ATP2B4: variants seen among roughly 807,000 people sequenced by gnomAD.
ATP2B4 encodes the protein ATPase plasma membrane Ca2+ transporting 4.
A neutral mutation model predicts 110.3 loss-of-function variants in ATP2B4; 39 were observed. The observed-to-expected ratio is 0.35, with a 90% confidence interval of 0.27 to 0.46. The LOEUF is 0.46. ATP2B4 is among the 20% of genes least tolerant of loss of function. The pLI, the probability that ATP2B4 is intolerant of heterozygous loss-of-function variation, is 1.00. For missense variants in ATP2B4, 1,135 were observed against 1,530.9 expected, an observed-to-expected ratio of 0.74 and a Z score of 4.32; for synonymous variants, 538 against 571.7, an observed-to-expected ratio of 0.94 and a Z score of 0.84.
Position 203,707,899 on chromosome 1 carries a change from A to T in ATP2B4, c.1352A>T (p.Asp451Val). ...MKDNNLVRHL[D>V]ACETMGNATA... ...GACAATAACCTAGTACGGCACTTGG[A>T]TGCTTGTGAGACCATGGGCAACGCC... The change falls in exon 10 of 21, where the codon GAT becomes GTT. Residue 451 changes from aspartate to valine, a missense_variant. Physicochemically the swap from Asp to Val is radical, Grantham distance 152. Around this residue, in one of 9 missense-constraint regions of ATP2B4, gnomAD observed 368 missense variants for 455.9 expected, o/e 0.81. Transcript: ENST00000357681. 6.2e-7 allele frequency: 1 copy of T among 1,614,154 alleles called. No individual in the cohort carries two copies. The highest frequency in any genetic ancestry group is 8.5e-7 in the Non-Finnish European group (1 of 1,180,024).
intron 6 of ATP2B4, among the ~76,000 whole-genome samples, chr1:203,701,253 C>T: frequency 6.6e-6 from 1 of 152,130 alleles, no homozygotes; most frequent in East Asian, 1.9e-4. Context: ...TCCGTGTACT[C>T]CCCCTCCTTC....
At chr1:203,661,934 C>A (rs918300022) in intron 1 of ATP2B4, among the ~76,000 whole-genome samples, 1 of 152,134 alleles carries the variant, frequency 6.6e-6, no homozygotes, top group Non-Finnish European at 1.5e-5. Flanking sequence ...CCTGTCTATA[C>A]CAGGATGACT....
chr1:203,726,790 G>T (rs1032106517), intron 19 of ATP2B4, among the ~76,000 whole-genome samples: 6 of 152,140 alleles, frequency 3.9e-5, no homozygotes, highest in Non-Finnish European at 7.4e-5. Context: ...CTTGTCTTCT[G>T]ATAATACTCA....
intron 6 of ATP2B4, 130 bp downstream of exon 6, chr1:203,701,053 C>A: frequency 8.1e-7 from 1 of 1,236,724 alleles, no homozygotes; most frequent in Non-Finnish European, 1.1e-6. Flanking sequence ...GATATCCAAA[C>A]TCCTTGCTGA....
At chr1:203,676,150 A>C (rs1571710413) in intron 1 of ATP2B4, among the ~76,000 whole-genome samples, 1 of 152,088 alleles carries the variant, frequency 6.6e-6, no homozygotes, top group Non-Finnish European at 1.5e-5. Flanking sequence ...AAGTGGTCCC[A>C]CCCGCCACCT....
chr1:203,705,860 TA>T (rs1323330705), intron 8 of ATP2B4, among the ~76,000 whole-genome samples: 1 of 152,144 alleles, frequency 6.6e-6, no homozygotes, highest in Non-Finnish European at 1.5e-5. Context: ...GTGAGTTCCT[TA>T]AATTTTGCAC....
intron 1 of ATP2B4, among the ~76,000 whole-genome samples, chr1:203,630,365 CTCTCTTTTTTTTTT>C (rs1663228472): frequency 1.1e-5 from 1 of 93,624 alleles, no homozygotes; most frequent in Non-Finnish European, 2.2e-5. Flanking sequence ...CTCTCTCTCT[CTCTCTTTTTTTTTT>C]TTTTTTTTCA....
Position 203,709,334 on chromosome 1 carries a change from G to T in ATP2B4, c.1591G>T (p.Val531Leu), listed in dbSNP as rs1321885510. 3.7e-6 allele frequency: 6 copies of T among 1,614,200 alleles called. No individual in the cohort carries two copies. Among genetic ancestry groups the T allele is most frequent in the Non-Finnish European group, 5.1e-6 (6 of 1,180,022 alleles). ...PEKEGGLPRQ[V>L]GNKTECALLG... is the part of the protein sequence containing the mutation. ...GAAGGAGGGAGGCCTGCCTCGGCAG[G>T]TGGGCAACAAGACCGAGTGTGCTCT... Residue 531 changes from valine to leucine, a missense_variant, in exon 11 of 21, where the codon GTG becomes TTG. This residue lies in a region of ATP2B4 where 368 missense variants were observed against 455.9 expected (regional missense o/e 0.81). Transcript: ENST00000357681.
chr1:203,681,362 T>C (rs1395924498), intron 1 of ATP2B4, among the ~76,000 whole-genome samples: 2 of 152,186 alleles, frequency 1.3e-5, no homozygotes, highest in African/African-American at 2.4e-5. Flanking sequence ...TCAAGTCCCT[T>C]ATCTGATGGT....
chr1:203,717,977 G>A (rs1422018787), intron 15 of ATP2B4, among the ~76,000 whole-genome samples: 2 of 152,114 alleles, frequency 1.3e-5, no homozygotes, highest in East Asian at 1.9e-4. Context: ...GGAGGCCAAG[G>A]GGGAAGGAGC....
intron 20 of ATP2B4, among the ~76,000 whole-genome samples, chr1:203,734,705 CAAAA>C (rs35242931): frequency 6.5e-5 from 8 of 123,644 alleles, no homozygotes; most frequent in South Asian, 2.7e-4. Flanking sequence ...GACTCCATCT[CAAAA>C]AAAAAAAAAA....
At position 203,722,522 on chromosome 1, in the gene ATP2B4, C is replaced by T. The variant is rs757626501; in HGVS notation, c.2857C>T (p.His953Tyr). Residue 953 changes from histidine to tyrosine, a missense_variant, in exon 18 of 21, where the codon CAT (histidine) becomes TAT (tyrosine). Around this residue, in one of 9 missense-constraint regions of ATP2B4, gnomAD observed 155 missense variants for 186.2 expected, o/e 0.83. Transcript: ENST00000357681. ...DIDSGRKAPL[H>Y]SPPSQHYTIV... Reference sequence around the variant, plus strand: ...TGATAGTGGGAGGAAGGCACCTCTACATTCACCACCCAGCCAGCACTATAC... The same window carrying T: ...TGATAGTGGGAGGAAGGCACCTCTATATTCACCACCCAGCCAGCACTATAC... 3 of 1,614,222 alleles carry T rather than the reference C, an allele frequency of 1.9e-6. No individual in the cohort carries two copies. The highest frequency in any genetic ancestry group is 2.5e-6 in the Non-Finnish European group (3 of 1,180,018).
intron 1 of ATP2B4, among the ~76,000 whole-genome samples, chr1:203,643,529 A>G (rs983098383): frequency 3.3e-5 from 5 of 152,216 alleles, no homozygotes; most frequent in African/African-American, 4.8e-5. Flanking sequence ...AGCTGGCAAG[A>G]AGTGGCAGCT....
intron 20 of ATP2B4, among the ~76,000 whole-genome samples, chr1:203,735,974 GACAGGCC>G (rs1234801513): frequency 6.6e-6 from 1 of 152,204 alleles, no homozygotes; most frequent in African/African-American, 2.4e-5. Flanking sequence ...TCAGAGGAGA[GACAGGCC>G]ACACCTGCTC....
chr1:203,689,617 G>A (rs180810047), intron 2 of ATP2B4, among the ~76,000 whole-genome samples: 24 of 152,310 alleles, frequency 1.6e-4, no homozygotes, highest in Admixed American at 7.8e-4. Flanking sequence ...AGTTGAAGGC[G>A]TGACAGTGAG....
chr1:203,709,307 GAGA>G lies in ATP2B4; in HGVS notation c.1567_1569del (p.Lys523del). 1.9e-6 allele frequency: 3 copies of G among 1,614,216 alleles called. No homozygotes were observed. Among genetic ancestry groups the G allele is most frequent in the Non-Finnish European group, 1.7e-6 (2 of 1,180,026 alleles). The stretch of plus-strand genomic sequence containing the variant: ...TGTATATTTCTTCTCCCAGCCTCCA[GAGA>G]AGGAGGGAGGCCTGCCTCGGCAGGT... On this transcript the variant is annotated inframe_deletion, in exon 11 of 21. Transcript: ENST00000357681.
intron 5 of ATP2B4, among the ~76,000 whole-genome samples, chr1:203,700,533 T>C (rs1246508051): frequency 6.6e-6 from 1 of 152,132 alleles, no homozygotes; most frequent in Non-Finnish European, 1.5e-5. Flanking sequence ...TATAAGGGCC[T>C]TGAAGGGGCT....
intron 1 of ATP2B4, among the ~76,000 whole-genome samples, chr1:203,682,326 C>T (rs987676116): frequency 6.6e-6 from 1 of 152,154 alleles, no homozygotes; most frequent in African/African-American, 2.4e-5. Context: ...ATCTGAACTC[C>T]TTTTTCTGAC....
chr1:203,703,477 T>G (rs189114321), intron 7 of ATP2B4, among the ~76,000 whole-genome samples, 175 bp from the exon 8 acceptor site: 34 of 152,256 alleles, frequency 2.2e-4, no homozygotes, highest in Non-Finnish European at 4.1e-4. Context: ...AAGGCCCTAA[T>G]AGAGTGTTGA....
Sources: allele counts gnomAD v4.1 joint callset (sites outside exome capture counted in the v4.1 genomes callset), GRCh38; gene constraint gnomAD v4.1.1; regional missense constraint gnomAD v4.1.1; transcripts MANE v1.5; gene names NCBI Gene and HGNC (gene_info 2026-07-23, HGNC 2026-07-21).